Variants in HUWE1 observed in about 807,000 individuals in gnomAD.
The protein encoded by HUWE1 is HECT, UBA and WWE domain containing E3 ubiquitin protein ligase 1.
Under a neutral mutation model 299.4 loss-of-function variants are expected in HUWE1, and 18 were observed. The ratio of observed to expected loss-of-function variants is 0.06; its 90% CI spans 0.04 to 0.09. The LOEUF (loss-of-function observed/expected upper bound fraction) is 0.09. Ranked by LOEUF, HUWE1 falls within the 10% of genes least tolerant of loss-of-function variation. The probability of loss-of-function intolerance (pLI) is 1.00; values close to 1 mark genes in which losing one functional copy is unlikely to be tolerated. For synonymous variants in HUWE1, 1,317 were observed against 1,286.1 expected (o/e 1.02, Z -0.51); for missense variants, 1,832 against 3,462.3 (o/e 0.53, Z 11.82).
chrX:53,578,668 G>A (rs1258710815), intron 43 of HUWE1, among the ~76,000 whole-genome samples: 1 of 89,194 alleles, frequency 1.1e-5, no homozygotes, highest in Non-Finnish European at 2.3e-5. Context: ...GCCCCATCCG[G>A]GAGGGAGGTG....
In HUWE1 at chrX:53,545,018, C is replaced by CT. The variant is rs1195865029; in HGVS notation, c.11048+10dup. On this transcript the variant is annotated intron_variant, in intron 71 of 83. Transcript: ENST00000262854. ...ATTCAAGCCCCCAGCCAAAGGGTGGCTACCACCCACCTGCTCTGCATTTTG... is the reference window on the plus strand; with the variant it reads ...ATTCAAGCCCCCAGCCAAAGGGTGGCTTACCACCCACCTGCTCTGCATTTTG... 1 of 1,206,425 alleles carries CT rather than the reference C, an allele frequency of 8.3e-7. No homozygotes were observed. Among genetic ancestry groups the CT allele is most frequent in the East Asian group, 3.0e-5 (1 of 33,705 alleles).
intron 3 of HUWE1, among the ~76,000 whole-genome samples, chrX:53,665,900 G>A (rs1329267028): frequency 9.0e-6 from 1 of 111,521 alleles, no homozygotes; most frequent in African/African-American, 3.3e-5. Flanking sequence ...GGAAGCCTGA[G>A]GTGGGAGGAT....
At chrX:53,554,406 T>C (rs918089278) in intron 61 of HUWE1, among the ~76,000 whole-genome samples, 1 of 110,625 alleles carries the variant, frequency 9.0e-6, no homozygotes, top group Non-Finnish European at 1.9e-5. Flanking sequence ...AACAGAGTAA[T>C]TGCCTCAATG....
chrX:53,636,780 T>C (rs781828748), intron 7 of HUWE1, among the ~76,000 whole-genome samples: 21 of 112,237 alleles, frequency 1.9e-4, no homozygotes, highest in Non-Finnish European at 3.4e-4. Flanking sequence ...AGATATTCAC[T>C]GTAGCATTAT....
chrX:53,537,392 G>A (rs782342197), intron 78 of HUWE1, 164 bp downstream of exon 78: 21 of 561,852 alleles, frequency 3.7e-5, no homozygotes, highest in Non-Finnish European at 6.0e-5. Flanking sequence ...AGGCCCAGAA[G>A]ATAGGAGACA....
At chrX:53,561,140 G>C (rs1224311837) in intron 55 of HUWE1, among the ~76,000 whole-genome samples, 1 of 112,239 alleles carries the variant, frequency 8.9e-6, no homozygotes, top group African/African-American at 3.2e-5. Context: ...AATTGGCCAA[G>C]AAAACAGACC....
intron 78 of HUWE1, chrX:53,537,177 ACTG>A (rs2061102852): frequency 3.9e-6 from 1 of 256,964 alleles, no homozygotes. Flanking sequence ...AGTATTACAA[ACTG>A]CTGATCTCCT....
intron 23 of HUWE1, among the ~76,000 whole-genome samples, chrX:53,612,945 C>T (rs1569491042): frequency 1.8e-5 from 2 of 111,091 alleles, no homozygotes; most frequent in Non-Finnish European, 1.9e-5. Flanking sequence ...CAGGTAGGGA[C>T]GTCACATGCA....
At chrX:53,533,678 G>A (rs782450913) in intron 83 of HUWE1, 1 of 436,371 alleles carries the variant, frequency 2.3e-6, no homozygotes, top group Admixed American at 4.0e-5. Context: ...CAAACTTGAA[G>A]GTGGTTTTCA....
At chrX:53,658,924 C>T (rs1438461130) in intron 3 of HUWE1, among the ~76,000 whole-genome samples, 1 of 112,760 alleles carries the variant, frequency 8.9e-6, no homozygotes, top group African/African-American at 3.2e-5. Context: ...ACATACACCT[C>T]ACCACAGACA....
intron 23 of HUWE1, among the ~76,000 whole-genome samples, chrX:53,613,466 A>G (rs1341773856): frequency 8.9e-6 from 1 of 111,803 alleles, no homozygotes; most frequent in Admixed American, 9.5e-5. Context: ...CTACACACTA[A>G]AAGACCACTT....
In HUWE1 at chrX:53,550,741, C is replaced by T; in HGVS notation, c.9413G>A (p.Arg3138His). The T allele has an allele frequency of 8.3e-7, 1 of 1,211,398 alleles. No homozygotes were observed. The highest frequency in any genetic ancestry group is 1.1e-6 in the Non-Finnish European group (1 of 895,263). Residue 3138 changes from arginine (R) to histidine (H), a missense_variant, in exon 66 of 84, where the codon CGT (arginine) becomes CAT (histidine). Transcript: ENST00000262854. The part of the protein sequence containing the change: ...PAFTSRLSGN[R>H]GVQYTRLAVQ... Reference sequence around the variant, plus strand: ...AGCAAGGCGAGTATACTGGACCCCACGGTTGCCACTTAAGCGACTGGTGAA... The same window carrying T: ...AGCAAGGCGAGTATACTGGACCCCATGGTTGCCACTTAAGCGACTGGTGAA...
chrX:53,666,958 T>A (rs186255175), intron 3 of HUWE1, among the ~76,000 whole-genome samples: 25 of 111,985 alleles, frequency 2.2e-4, no homozygotes, highest in Admixed American at 5.7e-4. Flanking sequence ...AAAAAACAAT[T>A]TAGATTCATT....
chrX:53,685,278 G>C (rs2055640708), intron 2 of HUWE1, among the ~76,000 whole-genome samples: 1 of 111,380 alleles, frequency 9.0e-6, no homozygotes, highest in African/African-American at 3.3e-5. Flanking sequence ...AAAAAAACTT[G>C]GTATATTTAT....
Position 53,594,506 on chromosome X carries a change from G to C in HUWE1, c.3496C>G (p.Leu1166Val), listed in dbSNP as rs782575056. ...KFLCSGGHNA[L>V]FETFNWALSM... ...AAGCAACTTGATCCTTACTCAAAAA[G>C]AGCATTGTGGCCTCCGGAGCAGAGA... is the stretch of plus-strand genomic sequence containing the variant. The change falls in exon 31 of 84, where the codon CTT becomes GTT. Residue 1166 changes from leucine (L) to valine (V), a missense_variant. Physicochemically the swap from Leu to Val is conservative, Grantham distance 32 (BLOSUM62 1). Transcript: ENST00000262854. 5.0e-6 allele frequency: 6 copies of C among 1,208,774 alleles called. No homozygotes were observed. Among genetic ancestry groups the C allele is most frequent in the Non-Finnish European group, 6.7e-6 (6 of 894,396 alleles).
chrX:53,665,643 A>G (rs1451268931), intron 3 of HUWE1, among the ~76,000 whole-genome samples: 1 of 112,383 alleles, frequency 8.9e-6, no homozygotes, highest in Non-Finnish European at 1.9e-5. Flanking sequence ...GCAACCAAAC[A>G]TGGCTCACCA....
At chrX:53,588,131 A>C (rs2063955142) in intron 37 of HUWE1, among the ~76,000 whole-genome samples, 1 of 111,444 alleles carries the variant, frequency 9.0e-6, no homozygotes, top group African/African-American at 3.3e-5. Context: ...TGTTCTCAGA[A>C]GCCCTTCTCA....
intron 43 of HUWE1, among the ~76,000 whole-genome samples, chrX:53,578,537 G>A (rs1216778614): frequency 1.0e-5 from 1 of 99,066 alleles, no homozygotes; most frequent in East Asian, 3.4e-4. Flanking sequence ...GAGGTGGGGG[G>A]TCAGCCCCCC....
intron 42 of HUWE1, among the ~76,000 whole-genome samples, chrX:53,582,861 T>G (rs1252218286): frequency 2.7e-5 from 3 of 110,785 alleles, no homozygotes; most frequent in African/African-American, 9.9e-5. Context: ...CCCAAGTAGC[T>G]GGGATTACAG....
Sources: allele counts gnomAD v4.1 joint callset (sites outside exome capture counted in the v4.1 genomes callset), GRCh38; gene constraint gnomAD v4.1.1; transcripts MANE v1.5; gene names NCBI Gene and HGNC (gene_info 2026-07-23, HGNC 2026-07-21).